Variants in HLA-E observed in about 807,000 individuals in gnomAD.
HLA-E encodes major histocompatibility complex, class I, E, also known as HLA class I histocompatibility antigen, alpha chain E.
HLA-E carries 25 observed loss-of-function variants against 43.4 expected under a neutral mutation model. The observed-to-expected ratio is 0.58, with a 90% confidence interval of 0.42 to 0.80. The LOEUF (loss-of-function observed/expected upper bound fraction) is 0.80, where lower values mean the gene tolerates loss of function less well. Among genes scored for constraint, HLA-E ranks in the 30% least tolerant of loss-of-function variants. HLA-E has a pLI of 0.00. For missense variants in HLA-E, 343 were observed against 470.0 expected, an observed-to-expected ratio of 0.73 and a Z score of 2.50; for synonymous variants, 161 against 197.6, an observed-to-expected ratio of 0.81 and a Z score of 1.55.
chr6:30,489,798 T>G lies in HLA-E; in HGVS notation c.137T>G (p.Val46Gly), dbSNP rs777513157. ...PGRGEPRFISVGYVDDTQFVR... is the reference protein window; with the variant it reads ...PGRGEPRFISGGYVDDTQFVR... ...CGCGGGGAGCCCCGCTTCATCTCTG[T>G]GGGCTACGTGGACGACACCCAGTTC... The change falls in exon 2 of 8, where the codon GTG (valine) becomes GGG (glycine). Residue 46 changes from valine (V) to glycine (G), a missense_variant. Val to Gly is a moderately radical substitution (Grantham distance 109). Transcript: ENST00000376630. This position sits in a 1 kb window ranked among gnomAD's most constrained non-coding sequence, Gnocchi z 5.6. The G allele has an allele frequency of 6.2e-7, 1 of 1,612,816 alleles. No individual in the cohort carries two copies. The highest frequency in any genetic ancestry group is 8.5e-7 in the Non-Finnish European group (1 of 1,179,958).
Position 30,491,139 on chromosome 6 carries a change from C to T in HLA-E, c.613C>T (p.Pro205Ser). ...AATTTTCTGACTCTTCCCCTCAGAG[C>T]CCCCAAAGACACACGTGACTCACCA... ...KGKETLLHLEPPKTHVTHHPI... is the reference protein window; with the variant it reads ...KGKETLLHLESPKTHVTHHPI... Residue 205 changes from proline to serine, a missense_variant and splice_region_variant, in exon 4 of 8, where the codon CCC becomes TCC. Coordinates refer to ENST00000376630, the MANE Select transcript of HLA-E (RefSeq NM_005516.6). This position sits in a 1 kb window ranked among gnomAD's most constrained non-coding sequence, Gnocchi z 5.4. 1.2e-6 allele frequency: 2 copies of T among 1,613,688 alleles called. No individual in the cohort carries two copies. Among genetic ancestry groups the T allele is most frequent in the Non-Finnish European group, 1.7e-6 (2 of 1,179,630 alleles).
chr6:30,492,572 CA>C lies in HLA-E; in HGVS notation c.1069del (p.Ser357AlafsTer5). The C allele has an allele frequency of 3.1e-6, 5 of 1,614,026 alleles. No individual in the cohort carries two copies. The highest frequency in any genetic ancestry group is 4.2e-6 in the Non-Finnish European group (5 of 1,179,992). On this transcript the variant is annotated frameshift_variant, in exon 7 of 8. Transcript: ENST00000376630. LOFTEE classifies it high-confidence loss of function. The surrounding 1 kb of genome is among the most constrained non-coding windows in gnomAD (Gnocchi z 4.5). ...SDSAQGSESHSL is the reference protein window; with the variant it reads ...SDSAQGSESHXL ...ACAGTGCCCAGGGGTCTGAGTCTCA[CA>C]GCTTGTAAAGGTGAGATTCTGGGGG...
In HLA-E at chr6:30,493,893, C is replaced by G. The variant is rs894186610; in HGVS notation, c.*1147C>G. ...CACCAGGACCCCAGAACTGTGGAGT[C>G]AGTGGCAGCATGCAGCGCCCCCTTG... On this transcript the variant is annotated 3_prime_UTR_variant, in exon 8 of 8. Transcript: ENST00000376630. This position sits in a 1 kb window ranked among gnomAD's most constrained non-coding sequence, Gnocchi z 5.5. 1 of 152,318 alleles carries G rather than the reference C, an allele frequency of 6.6e-6. No individual in the cohort carries two copies. Among genetic ancestry groups the G allele is most frequent in the Non-Finnish European group, 1.5e-5 (1 of 68,136 alleles). 9.4% of individuals were successfully genotyped at this position (152,318 alleles called of 1,614,324 possible). A position where few individuals can be genotyped will look rare whatever the true frequency, so the allele number is the denominator to read the frequency against.
chr6:30,491,369 T>C lies in HLA-E; in HGVS notation c.843T>C (p.His281=), dbSNP rs1796524446. The change falls in exon 4 of 8, where the codon CAT becomes CAC. Residue 281 remains histidine, a synonymous_variant. Coordinates refer to ENST00000376630, the MANE Select transcript of HLA-E (RefSeq NM_005516.6). This position sits in a 1 kb window ranked among gnomAD's most constrained non-coding sequence, Gnocchi z 5.4. Reference sequence around the variant, plus strand: ...GAGAGGAGCAGAGATACACGTGCCATGTGCAGCATGAGGGGCTACCCGAGC... The same window carrying C: ...GAGAGGAGCAGAGATACACGTGCCACGTGCAGCATGAGGGGCTACCCGAGC... ...PSGEEQRYTC[H]VQHEGLPEPV... 1.9e-6 allele frequency: 3 copies of C among 1,613,972 alleles called. No homozygotes were observed. Among genetic ancestry groups the C allele is most frequent in the East Asian group, 4.5e-5 (2 of 44,886 alleles).
In HLA-E at chr6:30,490,071, T is replaced by C; in HGVS notation, c.334+76T>C. The C allele has an allele frequency of 6.6e-7, 1 of 1,523,008 alleles. No homozygotes were observed. Among genetic ancestry groups the C allele is most frequent in the Non-Finnish European group, 8.9e-7 (1 of 1,120,522 alleles). The allele number at this position is 1,523,008 out of a possible 1,614,324, so 94.3% of individuals were successfully genotyped here. A position where few individuals can be genotyped will look rare whatever the true frequency, so the allele number is the denominator to read the frequency against. Reference sequence around the variant, plus strand: ...CGGACGGCGCGGGTCCCCTCGAATCTTCGGGTCCCAGATTCACCCCAAGGC... The same window carrying C: ...CGGACGGCGCGGGTCCCCTCGAATCCTCGGGTCCCAGATTCACCCCAAGGC... On this transcript the variant is annotated intron_variant, in intron 2 of 7. Coordinates refer to ENST00000376630, the MANE Select transcript of HLA-E (RefSeq NM_005516.6). The surrounding 1 kb of genome is among the most constrained non-coding windows in gnomAD (Gnocchi z 6.6).
chr6:30,491,595 T>C lies in HLA-E; in HGVS notation c.945T>C (p.Leu315=). The change falls in exon 5 of 8, where the codon CTT becomes CTC. Residue 315 remains leucine (L), a synonymous_variant. Transcript: ENST00000376630. This position sits in a 1 kb window ranked among gnomAD's most constrained non-coding sequence, Gnocchi z 5.4. ...GCATCATTGCTGGCCTGGTTCTCCT[T>C]GGATCTGTGGTCTCTGGAGCTGTGG... ...IVGIIAGLVL[L]GSVVSGAVVA... 1.2e-6 allele frequency: 2 copies of C among 1,613,520 alleles called. No homozygotes were observed. The highest frequency in any genetic ancestry group is 2.2e-5 in the East Asian group (1 of 44,874).
chr6:30,492,501 C>G lies in HLA-E; in HGVS notation c.1037-40C>G. ...TATAATTCCTCCTGCACCACATCTC[C>G]TGTGGGCTCTGACCAGGTCTTGTTT... is the stretch of plus-strand genomic sequence containing the variant. On this transcript the variant is annotated intron_variant, in intron 6 of 7. Coordinates refer to ENST00000376630, the MANE Select transcript of HLA-E (RefSeq NM_005516.6). The surrounding 1 kb of genome is among the most constrained non-coding windows in gnomAD (Gnocchi z 4.5). The G allele has an allele frequency of 6.2e-7, 1 of 1,614,050 alleles. No individual in the cohort carries two copies. The highest frequency in any genetic ancestry group is 8.5e-7 in the Non-Finnish European group (1 of 1,179,908).
Position 30,490,191 on chromosome 6 carries a change from C to A in HLA-E, c.335-49C>A. 6.5e-7 allele frequency: 1 copy of A among 1,546,332 alleles called. No homozygotes were observed. Among genetic ancestry groups the A allele is most frequent in the Middle Eastern group, 2.2e-4 (1 of 4,598 alleles). On this transcript the variant is annotated intron_variant, in intron 2 of 7. Transcript: ENST00000376630. This position sits in a 1 kb window ranked among gnomAD's most constrained non-coding sequence, Gnocchi z 6.6. Reference sequence around the variant, plus strand: ...GGCCAAAATGCCCACAGGGTGGTGGCGACGGGGGCGGGGCTTGGTGGGCGG... The same window carrying A: ...GGCCAAAATGCCCACAGGGTGGTGGAGACGGGGGCGGGGCTTGGTGGGCGG...
Position 30,490,816 on chromosome 6 carries a change from G to A in HLA-E, c.610+301G>A, listed in dbSNP as rs898161777. ...TCCCAGTATTAGGAATCACGGGGGA[G>A]TTTCTCTCGTGCCTGATTCTCAGCC... On this transcript the variant is annotated intron_variant, in intron 3 of 7. Transcript: ENST00000376630. This position sits in a 1 kb window ranked among gnomAD's most constrained non-coding sequence, Gnocchi z 6.6. Among the ~76,000 whole-genome samples the A allele has an allele frequency of 2.0e-5, 3 of 152,160 alleles. No individual in the cohort carries two copies. Among genetic ancestry groups the A allele is most frequent in the African/African-American group, 7.2e-5 (3 of 41,416 alleles).
Position 30,490,239 on chromosome 6 carries a change from G to A in HLA-E, c.335-1G>A. The A allele has an allele frequency of 6.2e-7, 1 of 1,611,598 alleles. No individual in the cohort carries two copies. The highest frequency in any genetic ancestry group is 8.5e-7 in the Non-Finnish European group (1 of 1,179,246). On this transcript the variant is annotated splice_acceptor_variant, in intron 2 of 7. Coordinates refer to ENST00000376630, the MANE Select transcript of HLA-E (RefSeq NM_005516.6). LOFTEE classifies it high-confidence loss of function. This position sits in a 1 kb window ranked among gnomAD's most constrained non-coding sequence, Gnocchi z 6.6. The stretch of plus-strand genomic sequence containing the variant: ...CGGGACTGACTAAGGGGCGGGGCCA[G>A]GGTCTCACACCCTGCAGTGGATGCA...
chr6:30,491,488 G>A lies in HLA-E; in HGVS notation c.887-49G>A, dbSNP rs1378364217. On this transcript the variant is annotated intron_variant, in intron 4 of 7. Coordinates refer to ENST00000376630, the MANE Select transcript of HLA-E (RefSeq NM_005516.6). The surrounding 1 kb of genome is among the most constrained non-coding windows in gnomAD (Gnocchi z 5.4). ...CTTCTGGAGCCCTTCCGCAGGGTCA[G>A]GGCTGAGGCCTGGGGGTCAGGGCCC... 1.9e-6 allele frequency: 3 copies of A among 1,611,608 alleles called. No homozygotes were observed. The highest frequency in any genetic ancestry group is 8.5e-7 in the Non-Finnish European group (1 of 1,178,446).
chr6:30,491,420 G>A lies in HLA-E; in HGVS notation c.886+8G>A, dbSNP rs374090978. Reference sequence around the variant, plus strand: ...CCGTCACCCTGAGATGGAGTAAGGAGGGGGATGGGAGGTCATGTCTCTTCT... The same window carrying A: ...CCGTCACCCTGAGATGGAGTAAGGAAGGGGATGGGAGGTCATGTCTCTTCT... On this transcript the variant is annotated splice_region_variant and intron_variant, in intron 4 of 7. Coordinates refer to ENST00000376630, the MANE Select transcript of HLA-E (RefSeq NM_005516.6). This position sits in a 1 kb window ranked among gnomAD's most constrained non-coding sequence, Gnocchi z 5.4. 133 of 1,613,900 alleles carry A rather than the reference G, an allele frequency of 8.2e-5. No homozygotes were observed. Among genetic ancestry groups the A allele is most frequent in the Non-Finnish European group, 1.1e-4 (129 of 1,179,928 alleles).
chr6:30,489,614 T>G lies in HLA-E; in HGVS notation c.64+19T>G, dbSNP rs1312860051. 8 of 1,585,238 alleles carry G rather than the reference T, an allele frequency of 5.0e-6. No homozygotes were observed. Among genetic ancestry groups the G allele is most frequent in the South Asian group, 1.2e-5 (1 of 86,100 alleles). On this transcript the variant is annotated intron_variant, in intron 1 of 7. Coordinates refer to ENST00000376630, the MANE Select transcript of HLA-E (RefSeq NM_005516.6). The surrounding 1 kb of genome is among the most constrained non-coding windows in gnomAD (Gnocchi z 5.6). ...TGGGCGGGTGAGTGCGGGGTCGGGA[T>G]GGAAACGGCCTCTACCGGGAGTAGA...
In HLA-E at chr6:30,493,002, T is replaced by C; in HGVS notation, c.*256T>C. 4.8e-6 allele frequency: 1 copy of C among 207,478 alleles called. No individual in the cohort carries two copies. Among genetic ancestry groups the C allele is most frequent in the Admixed American group, 5.9e-5 (1 of 16,814 alleles). 12.9% of individuals were successfully genotyped at this position (207,478 alleles called of 1,614,324 possible). On this transcript the variant is annotated 3_prime_UTR_variant, in exon 8 of 8. Coordinates refer to ENST00000376630, the MANE Select transcript of HLA-E (RefSeq NM_005516.6). The surrounding 1 kb of genome is among the most constrained non-coding windows in gnomAD (Gnocchi z 5.5). ...TCCCTGTTCTCTTTTCTATTAAAAA[T>C]AAGAACCTGGGCAGAGTGCGGCAGC...
chr6:30,490,142 T>G lies in HLA-E; in HGVS notation c.335-98T>G. 1 of 1,528,996 alleles carries G rather than the reference T, an allele frequency of 6.5e-7. No homozygotes were observed. Among genetic ancestry groups the G allele is most frequent in the Non-Finnish European group, 8.9e-7 (1 of 1,128,858 alleles). 94.7% of individuals were successfully genotyped at this position (1,528,996 alleles called of 1,614,324 possible). On this transcript the variant is annotated intron_variant, in intron 2 of 7. Transcript: ENST00000376630. This position sits in a 1 kb window ranked among gnomAD's most constrained non-coding sequence, Gnocchi z 6.6. ...TAGACCGGGGAGAGTCTCAGGCGCCTTTACCCGGTTCTTTTTCAGTTTAGG... is the reference window on the plus strand; with the variant it reads ...TAGACCGGGGAGAGTCTCAGGCGCCGTTACCCGGTTCTTTTTCAGTTTAGG...
At position 30,490,283 on chromosome 6, in the gene HLA-E, C is replaced by A; in HGVS notation, c.378C>A (p.Pro126=). ...GGATGCATGGCTGCGAGCTGGGGCC[C>A]GACGGGCGCTTCCTCCGCGGGTATG... ...LQWMHGCELG[P]DGRFLRGYEQ... The change falls in exon 3 of 8, where the codon CCC becomes CCA. Residue 126 remains proline, a synonymous_variant. Coordinates refer to ENST00000376630, the MANE Select transcript of HLA-E (RefSeq NM_005516.6). This position sits in a 1 kb window ranked among gnomAD's most constrained non-coding sequence, Gnocchi z 6.6. 1 of 1,613,024 alleles carries A rather than the reference C, an allele frequency of 6.2e-7. No homozygotes were observed. Among genetic ancestry groups the A allele is most frequent in the Non-Finnish European group, 8.5e-7 (1 of 1,179,994 alleles).
Position 30,489,644 on chromosome 6 carries a change from G to C in HLA-E, c.64+49G>C, listed in dbSNP as rs1796391131. 1 of 1,601,318 alleles carries C rather than the reference G, an allele frequency of 6.2e-7. No homozygotes were observed. Among genetic ancestry groups the C allele is most frequent in the Admixed American group, 1.7e-5 (1 of 59,368 alleles). On this transcript the variant is annotated intron_variant, in intron 1 of 7. Transcript: ENST00000376630. The surrounding 1 kb of genome is among the most constrained non-coding windows in gnomAD (Gnocchi z 5.6). ...ACGGCCTCTACCGGGAGTAGAGAGGGGCCGGCCCGGCGGGGGCGAAGGACT... is the reference window on the plus strand; with the variant it reads ...ACGGCCTCTACCGGGAGTAGAGAGGCGCCGGCCCGGCGGGGGCGAAGGACT...
rs1446410014 is a variant in HLA-E at position 30,490,381 on chromosome 6, C to T, written c.476C>T (p.Thr159Met). 1.2e-6 allele frequency: 2 copies of T among 1,613,074 alleles called. No individual in the cohort carries two copies. The highest frequency in any genetic ancestry group is 1.7e-5 in the Admixed American group (1 of 60,026). The change falls in exon 3 of 8, where the codon ACG (threonine) becomes ATG (methionine). Residue 159 changes from threonine to methionine, a missense_variant. Around this residue, in one of 3 missense-constraint regions of HLA-E, gnomAD observed 190 missense variants for 283.6 expected, o/e 0.67. Coordinates refer to ENST00000376630, the MANE Select transcript of HLA-E (RefSeq NM_005516.6). This position sits in a 1 kb window ranked among gnomAD's most constrained non-coding sequence, Gnocchi z 6.6. ...CTGCGCTCCTGGACCGCGGTGGACACGGCGGCTCAGATCTCCGAGCAAAAG... is the reference window on the plus strand; with the variant it reads ...CTGCGCTCCTGGACCGCGGTGGACATGGCGGCTCAGATCTCCGAGCAAAAG... ...EDLRSWTAVD[T>M]AAQISEQKSN...
Position 30,490,265 on chromosome 6 carries a change from T to G in HLA-E, c.360T>G (p.His120Gln), listed in dbSNP as rs776695661. The change falls in exon 3 of 8, where the codon CAT becomes CAG. Residue 120 changes from histidine to glutamine, a missense_variant. Physicochemically the swap from His to Gln is conservative, Grantham distance 24 (BLOSUM62 0). Coordinates refer to ENST00000376630, the MANE Select transcript of HLA-E (RefSeq NM_005516.6). The surrounding 1 kb of genome is among the most constrained non-coding windows in gnomAD (Gnocchi z 6.6). ...GGTCTCACACCCTGCAGTGGATGCATGGCTGCGAGCTGGGGCCCGACGGGC... is the reference window on the plus strand; with the variant it reads ...GGTCTCACACCCTGCAGTGGATGCAGGGCTGCGAGCTGGGGCCCGACGGGC... ...EAGSHTLQWM[H>Q]GCELGPDGRF... The G allele has an allele frequency of 3.1e-6, 5 of 1,612,896 alleles. No individual in the cohort carries two copies. Among genetic ancestry groups the G allele is most frequent in the South Asian group, 1.1e-5 (1 of 91,088 alleles).
Sources: gnomAD v4.1 joint callset for allele counts (sites outside exome capture counted in the v4.1 genomes callset) on GRCh38, gnomAD v4.1.1 for gene constraint, gnomAD v4.1.1 regional missense constraint, Gnocchi (gnomAD v3.1) non-coding constraint, MANE v1.5 for transcripts, NCBI Gene and HGNC (gene_info 2026-07-23, HGNC 2026-07-21) for gene names.